Variants in TMTC2 observed in about 807,000 individuals in gnomAD.
TMTC2 encodes the protein protein O-mannosyl-transferase TMTC2.
TMTC2 carries 43 observed loss-of-function variants against 82.4 expected under a neutral mutation model. The observed-to-expected ratio is 0.52, with a 90% CI of 0.41 to 0.67. The LOEUF is 0.67. Among genes scored for constraint, TMTC2 ranks in the 30% least tolerant of loss-of-function variants. The pLI is 0.00. For missense variants in TMTC2, 919 were observed against 1,012.4 expected (o/e 0.91, Z 1.25); for synonymous variants, 408 against 381.9 (o/e 1.07, Z -0.80).
intron 11 of TMTC2, among the ~76,000 whole-genome samples, chr12:83,077,880 C>CTT (rs751044763): frequency 0.12 from 10,670 of 92,716 alleles, 787 homozygotes; most frequent in Middle Eastern, 0.15. Flanking sequence ...GACAATCTGT[C>CTT]TTTTTTTTTT....
chr12:82,772,664 G>T (rs1016510119), intron 1 of TMTC2, among the ~76,000 whole-genome samples: 4 of 152,140 alleles, frequency 2.6e-5, no homozygotes, highest in African/African-American at 9.7e-5. Context: ...ACTTCTTAGA[G>T]TTAATTATCC....
At chr12:82,973,198 C>G (rs2137316175) in intron 7 of TMTC2, among the ~76,000 whole-genome samples, 1 of 152,250 alleles carries the variant, frequency 6.6e-6, no homozygotes, top group Admixed American at 6.5e-5. Context: ...CTTCCATTGG[C>G]ACTCTTGAAA....
chr12:82,735,158 A>G (rs1039595098), intron 1 of TMTC2, among the ~76,000 whole-genome samples: 1 of 152,166 alleles, frequency 6.6e-6, no homozygotes, highest in Admixed American at 6.5e-5. Context: ...ATCTATGTTT[A>G]AATCAAATCA....
At chr12:83,121,670 G>C (rs1044379401) in intron 11 of TMTC2, among the ~76,000 whole-genome samples, 1 of 152,094 alleles carries the variant, frequency 6.6e-6, no homozygotes, top group Admixed American at 6.5e-5. Context: ...AGCATAAGCT[G>C]TGGTAGTATG....
chr12:82,778,310 A>T (rs944260365), intron 1 of TMTC2, among the ~76,000 whole-genome samples: 5 of 152,162 alleles, frequency 3.3e-5, no homozygotes, highest in African/African-American at 9.6e-5. Context: ...AACATTTTAC[A>T]TCTGTCCCCC....
intron 1 of TMTC2, among the ~76,000 whole-genome samples, chr12:82,743,446 CAAAAAA>C (rs370208896): frequency 1.2e-5 from 1 of 83,796 alleles, no homozygotes; most frequent in Non-Finnish European, 2.4e-5. Flanking sequence ...GACTCCGTCT[CAAAAAA>C]AAAAAAAAAG....
chr12:83,107,084 T>C (rs1406477822), intron 11 of TMTC2, among the ~76,000 whole-genome samples: 2 of 152,232 alleles, frequency 1.3e-5, no homozygotes, highest in Non-Finnish European at 2.9e-5. Context: ...AATACAGTGT[T>C]CATGTATTGA....
At chr12:82,723,925 C>T (rs937369016) in intron 1 of TMTC2, among the ~76,000 whole-genome samples, 2 of 152,202 alleles carry the variant, frequency 1.3e-5, no homozygotes, top group African/African-American at 4.8e-5. Context: ...GTCAAAAGAA[C>T]CACCTGAAAT....
At chr12:82,895,563 G>A (rs1401191809) in intron 2 of TMTC2, among the ~76,000 whole-genome samples, 1 of 151,896 alleles carries the variant, frequency 6.6e-6, no homozygotes, top group Non-Finnish European at 1.5e-5. Context: ...ATGATTATTG[G>A]TATTTTAGAG....
At chr12:83,093,204 AACACTAGAAAAGAAAATTCTTTC>A (rs1411179596) in intron 11 of TMTC2, among the ~76,000 whole-genome samples, 1 of 152,216 alleles carries the variant, frequency 6.6e-6, no homozygotes, top group Non-Finnish European at 1.5e-5. Flanking sequence ...AGAATAATGA[AACACTAGAAAAGAAAATTCTTTC>A]ACACATAAGA....
At chr12:82,791,865 G>A (rs1878484959) in intron 1 of TMTC2, among the ~76,000 whole-genome samples, 1 of 152,110 alleles carries the variant, frequency 6.6e-6, no homozygotes, top group African/African-American at 2.4e-5. Flanking sequence ...GAGGACCTTT[G>A]ATAAGCTTTA....
intron 8 of TMTC2, among the ~76,000 whole-genome samples, chr12:83,012,826 G>A (rs1880519467): frequency 6.6e-6 from 1 of 152,082 alleles, no homozygotes; most frequent in African/African-American, 2.4e-5. Context: ...AGGTATAACA[G>A]AATACAGATA....
intron 7 of TMTC2, among the ~76,000 whole-genome samples, chr12:82,968,727 C>T (rs1878325028): frequency 2.0e-5 from 3 of 152,088 alleles, no homozygotes; most frequent in Non-Finnish European, 2.9e-5. Context: ...GAAAATTCAG[C>T]CAGTACCTTG....
chr12:83,052,979 A>T (rs1882409955), intron 10 of TMTC2, among the ~76,000 whole-genome samples: 1 of 151,994 alleles, frequency 6.6e-6, no homozygotes, highest in South Asian at 2.1e-4. Context: ...AGTCTTCGTG[A>T]ATGTTTTTAC....
intron 7 of TMTC2, among the ~76,000 whole-genome samples, chr12:82,972,724 A>G (rs187894464): frequency 6.6e-6 from 1 of 152,296 alleles, no homozygotes; most frequent in Non-Finnish European, 1.5e-5. Context: ...CCTTCTGAAA[A>G]CAATGCAAAT....
chr12:82,831,525 C>T (rs1869745083), intron 1 of TMTC2, among the ~76,000 whole-genome samples: 1 of 152,124 alleles, frequency 6.6e-6, no homozygotes, highest in Admixed American at 6.6e-5. Context: ...ATGAGTCTGT[C>T]TTTAGCAAAG....
At chr12:82,949,563 A>T (rs1361261505) in intron 4 of TMTC2, among the ~76,000 whole-genome samples, 1 of 152,190 alleles carries the variant, frequency 6.6e-6, no homozygotes, top group East Asian at 1.9e-4. Flanking sequence ...CTTTGGCTTT[A>T]AACAGACTTG....
intron 1 of TMTC2, among the ~76,000 whole-genome samples, chr12:82,778,797 C>T (rs1434912539): frequency 7.3e-6 from 1 of 136,506 alleles, no homozygotes; most frequent in Non-Finnish European, 1.5e-5. Flanking sequence ...TGCAGTGAGC[C>T]GAGATCCCGC....
At chr12:82,731,132 C>G (rs1273872904) in intron 1 of TMTC2, among the ~76,000 whole-genome samples, 1 of 152,144 alleles carries the variant, frequency 6.6e-6, no homozygotes, top group South Asian at 2.1e-4. Flanking sequence ...GAAAAAAAAT[C>G]GAGTATTGGC....
Sources: gnomAD v4.1 joint callset for allele counts (sites outside exome capture counted in the v4.1 genomes callset) on GRCh38, gnomAD v4.1.1 for gene constraint, MANE v1.5 for transcripts, NCBI Gene and HGNC (gene_info 2026-07-23, HGNC 2026-07-21) for gene names.